MANBA: variants seen among roughly 807,000 people sequenced by gnomAD.
The protein encoded by MANBA is beta-mannosidase.
Under a neutral mutation model 111.1 loss-of-function variants are expected in MANBA, and 83 were observed. The observed-to-expected ratio is 0.75, with a 90% CI of 0.63 to 0.90. The LOEUF (loss-of-function observed/expected upper bound fraction) is 0.90. Among genes scored for constraint, MANBA ranks in the 40% least tolerant of loss-of-function variants. MANBA has a pLI of 0.00. For missense variants in MANBA, 1,036 were observed against 1,069.0 expected (o/e 0.97, Z 0.43); for synonymous variants, 370 against 378.7 (o/e 0.98, Z 0.27).
At chr4:102,700,807 A>G (rs143087324) in intron 5 of MANBA, among the ~76,000 whole-genome samples, 4,976 of 152,038 alleles carry the variant, frequency 0.033, 214 homozygotes, top group African/African-American at 0.095. Context: ...AATAGGTGTG[A>G]TGTGGTGCTG....
At chr4:102,654,178 C>T (rs1730459393) in intron 12 of MANBA, among the ~76,000 whole-genome samples, 1 of 152,018 alleles carries the variant, frequency 6.6e-6, no homozygotes, top group South Asian at 2.1e-4. Context: ...AGTAAATATT[C>T]TTGCTTCCTT....
rs56019004 is a variant in MANBA, at chr4:102,735,471, A to G, written c.178-8788T>C. Among the ~76,000 whole-genome samples, 617 of 151,832 alleles carry G rather than the reference A, an allele frequency of 4.1e-3. 3 individuals carry two copies. Among genetic ancestry groups the G allele is most frequent in the African/African-American group, 0.011 (449 of 41,396 alleles). On this transcript the variant is annotated intron_variant, in intron 1 of 16. Transcript: ENST00000647097. ...ACTGCATGCATGCTGAAAAAAAAAA[A>G]AAAGAAAGAAAAGTCTACTAAAAAT...
chr4:102,728,295 C>T, intron 1 of MANBA: 1 of 535,546 alleles, frequency 1.9e-6, no homozygotes, highest in South Asian at 1.4e-5. Flanking sequence ...TTTCCCACCT[C>T]TTTGAAGTGA....
chr4:102,654,929 A>G (rs536139495), intron 12 of MANBA, among the ~76,000 whole-genome samples: 1 of 152,326 alleles, frequency 6.6e-6, no homozygotes, highest in Admixed American at 6.5e-5. Context: ...ATGATCTTAT[A>G]TATAGAAAAT....
At chr4:102,698,930 C>T (rs1273586308) in intron 5 of MANBA, among the ~76,000 whole-genome samples, 1 of 152,174 alleles carries the variant, frequency 6.6e-6, no homozygotes, top group Non-Finnish European at 1.5e-5. Flanking sequence ...GGCATTGAAT[C>T]TATAAATTAC....
At chr4:102,694,518 C>T (rs1413132036) in intron 5 of MANBA, among the ~76,000 whole-genome samples, 1 of 152,094 alleles carries the variant, frequency 6.6e-6, no homozygotes, top group Non-Finnish European at 1.5e-5. Context: ...TTCTAGAATA[C>T]AGCTTCCTAT....
intron 11 of MANBA, among the ~76,000 whole-genome samples, chr4:102,659,922 T>A (rs1730848218): frequency 6.6e-6 from 1 of 151,974 alleles, no homozygotes; most frequent in South Asian, 2.1e-4. Flanking sequence ...ACCCTCTCCA[T>A]CCCCAGATGG....
intron 1 of MANBA, among the ~76,000 whole-genome samples, chr4:102,748,357 C>G (rs78236212): frequency 6.6e-6 from 1 of 152,056 alleles, no homozygotes; most frequent in Non-Finnish European, 1.5e-5. Flanking sequence ...TGATAGCTAT[C>G]TTTTCTATTA....
At chr4:102,729,753 A>C (rs1199700594) in intron 1 of MANBA, 2 of 1,296,400 alleles carry the variant, frequency 1.5e-6, no homozygotes, top group Non-Finnish European at 2.2e-6. Flanking sequence ...GTAGCTCTGG[A>C]ACATGTTGTC....
intron 4 of MANBA, among the ~76,000 whole-genome samples, chr4:102,722,052 A>G (rs1207622985): frequency 4.8e-5 from 7 of 146,022 alleles, no homozygotes; most frequent in Admixed American, 2.1e-4. Flanking sequence ...AAAAAAAAAG[A>G]GAAAGAAAAG....
At chr4:102,666,095 A>T (rs1478930158) in intron 10 of MANBA, 1 of 152,268 alleles carries the variant, frequency 6.6e-6, no homozygotes, top group African/African-American at 2.4e-5. Context: ...AAATACAAAT[A>T]TAAATCCTGA....
Position 102,657,806 on chromosome 4 carries a change from T to A in MANBA, c.1580A>T (p.Tyr527Phe), listed in dbSNP as rs1357691051. The A allele has an allele frequency of 6.2e-7, 1 of 1,613,756 alleles. No individual in the cohort carries two copies. The highest frequency in any genetic ancestry group is 8.5e-7 in the Non-Finnish European group (1 of 1,179,628). Reference protein sequence around the residue: ...AWVSQNPNSNYFGDVHFYDYI... With the variant: ...AWVSQNPNSNFFGDVHFYDYI... ...GTCATAAAAATGTACATCACCAAAATAATTGCTATTAGGGTTTTGAGAGAC... is the reference window on the plus strand; with the variant it reads ...GTCATAAAAATGTACATCACCAAAAAAATTGCTATTAGGGTTTTGAGAGAC... The change falls in exon 12 of 17, where the codon TAT (tyrosine) becomes TTT (phenylalanine). Residue 527 changes from tyrosine to phenylalanine, a missense_variant. Coordinates refer to ENST00000647097, the MANE Select transcript of MANBA (RefSeq NM_005908.4).
intron 5 of MANBA, among the ~76,000 whole-genome samples, chr4:102,692,511 A>G (rs1325933862): frequency 6.6e-6 from 1 of 152,178 alleles, no homozygotes. Context: ...AACAAGATAG[A>G]GCACTGGGAC....
At chr4:102,686,065 G>A (rs1350137066) in intron 7 of MANBA, among the ~76,000 whole-genome samples, 2 of 152,146 alleles carry the variant, frequency 1.3e-5, no homozygotes, top group Non-Finnish European at 2.9e-5. Context: ...AGCCCTGATT[G>A]CTTTCAGCAC....
chr4:102,716,048 G>A (rs754553365), intron 4 of MANBA, among the ~76,000 whole-genome samples: 12 of 152,046 alleles, frequency 7.9e-5, no homozygotes, highest in Admixed American at 2.0e-4. Context: ...AGTGGCTCAC[G>A]CATGTAATAT....
At chr4:102,759,044 C>T (rs530950759) in intron 1 of MANBA, among the ~76,000 whole-genome samples, 3 of 152,134 alleles carry the variant, frequency 2.0e-5, no homozygotes, top group South Asian at 2.1e-4. Context: ...TGTAACCAAA[C>T]GTTGTTTCTT....
At chr4:102,713,591 C>T (rs1442903896) in intron 5 of MANBA, among the ~76,000 whole-genome samples, 1 of 152,174 alleles carries the variant, frequency 6.6e-6, no homozygotes, top group Non-Finnish European at 1.5e-5. Context: ...TTAAAAAGTA[C>T]TATTTTTCAC....
intron 15 of MANBA, 98 bp downstream of exon 15, chr4:102,635,767 T>A: frequency 7.7e-7 from 1 of 1,303,240 alleles, no homozygotes. Flanking sequence ...AACTCTAAAT[T>A]AATTTCTCTT....
chr4:102,675,574 A>T (rs1187349387), intron 7 of MANBA, among the ~76,000 whole-genome samples: 1 of 152,224 alleles, frequency 6.6e-6, no homozygotes, highest in Non-Finnish European at 1.5e-5. Context: ...ACAGGAGCAC[A>T]AAAGGAGTAG....
Sources: gnomAD v4.1 joint callset for allele counts (sites outside exome capture counted in the v4.1 genomes callset) on GRCh38, gnomAD v4.1.1 for gene constraint, MANE v1.5 for transcripts, NCBI Gene and HGNC (gene_info 2026-07-23, HGNC 2026-07-21) for gene names.